The following GABRA3 variants were observed in gnomAD, a reference collection of about 807,000 sequenced individuals.
The protein encoded by GABRA3 is gamma-aminobutyric acid type A receptor subunit alpha3, also known as gamma-aminobutyric acid receptor subunit alpha-3.
A neutral mutation model predicts 30.1 loss-of-function variants in GABRA3; 10 were observed. That is an observed-to-expected ratio of 0.33 (90% confidence interval 0.20 to 0.56). The LOEUF is 0.56. Ranked by LOEUF, GABRA3 falls within the 20% of genes least tolerant of loss-of-function variation. The probability of loss-of-function intolerance (pLI) is 0.89; values close to 1 mark genes in which losing one functional copy is unlikely to be tolerated. For synonymous variants in GABRA3, 151 were observed against 146.8 expected (o/e 1.03, Z -0.21); for missense variants, 233 against 392.0 (o/e 0.59, Z 3.42).
At chrX:152,437,964 A>G (rs1408896969) in intron 1 of GABRA3, among the ~76,000 whole-genome samples, 1 of 112,270 alleles carries the variant, frequency 8.9e-6, no homozygotes, top group East Asian at 2.8e-4. Flanking sequence ...AAACTGATAA[A>G]TTGACCTTCA....
intron 3 of GABRA3, among the ~76,000 whole-genome samples, chrX:152,324,037 G>A (rs776819778): frequency 1.5e-4 from 17 of 112,074 alleles, no homozygotes; most frequent in South Asian, 7.5e-4. Flanking sequence ...CCTTATTAAA[G>A]GAACTTAATA....
chrX:152,331,087 C>G (rs371842001), intron 3 of GABRA3, among the ~76,000 whole-genome samples: 1 of 108,655 alleles, frequency 9.2e-6, no homozygotes, highest in African/African-American at 3.3e-5. Context: ...GTGAAACACC[C>G]TGAAACCAGA....
At chrX:152,308,741 T>A (rs1347663004) in intron 3 of GABRA3, among the ~76,000 whole-genome samples, 2 of 112,016 alleles carry the variant, frequency 1.8e-5, no homozygotes, top group Admixed American at 9.4e-5. Context: ...AAAGCCTGAG[T>A]GTTTTCTTCC....
rs1830061362 is a variant in GABRA3 at position 152,372,728 on chromosome X, T to C, written c.-26-8132A>G. 2.7e-5 allele frequency among the ~76,000 whole-genome samples: 3 copies of C among 112,201 alleles called. No homozygotes were observed. In the South Asian group the frequency reaches 1.1e-3, roughly 42 times the overall value. ...CTACTTTCCTAAAACCTTTCCCCCA[T>C]GCCCTTTCAATCCTTCATTTTATGG... On this transcript the variant is annotated intron_variant, in intron 1 of 9. Coordinates refer to ENST00000370314, the MANE Select transcript of GABRA3 (RefSeq NM_000808.4).
intron 2 of GABRA3, among the ~76,000 whole-genome samples, chrX:152,356,374 T>G (rs1940548975): frequency 8.9e-6 from 1 of 111,884 alleles, no homozygotes; most frequent in Non-Finnish European, 1.9e-5. Flanking sequence ...TCATTAAAGT[T>G]GGATAAAATA....
At chrX:152,384,462 G>C (rs937624193) in intron 1 of GABRA3, among the ~76,000 whole-genome samples, 2 of 111,830 alleles carry the variant, frequency 1.8e-5, no homozygotes, top group East Asian at 5.6e-4. Context: ...AATAGATATA[G>C]GTTTATAAGA....
intron 3 of GABRA3, among the ~76,000 whole-genome samples, chrX:152,290,006 G>A (rs1939374852): frequency 2.7e-5 from 3 of 112,018 alleles, no homozygotes; most frequent in Admixed American, 9.5e-5. Flanking sequence ...ATAGTAGCAT[G>A]ATTTATAATC....
At chrX:152,199,170 T>G (rs781459299) in intron 7 of GABRA3, among the ~76,000 whole-genome samples, 19 of 109,843 alleles carry the variant, frequency 1.7e-4, no homozygotes, top group East Asian at 5.7e-4. Context: ...ATCGAGACCA[T>G]CCTGGCTAAC....
chrX:152,232,571 A>C (rs1411567325), intron 5 of GABRA3, among the ~76,000 whole-genome samples: 1 of 109,242 alleles, frequency 9.2e-6, no homozygotes, highest in Non-Finnish European at 1.9e-5. Flanking sequence ...AATTGCATCC[A>C]TGTTGGTGAA....
At chrX:152,257,670 T>G (rs1275343495) in intron 4 of GABRA3, among the ~76,000 whole-genome samples, 1 of 112,558 alleles carries the variant, frequency 8.9e-6, no homozygotes, top group Non-Finnish European at 1.9e-5. Flanking sequence ...GGCAGGACTG[T>G]GGCAGATGAG....
chrX:152,215,052 A>ATT (rs1206087367), intron 6 of GABRA3, among the ~76,000 whole-genome samples: 7 of 102,785 alleles, frequency 6.8e-5, no homozygotes, highest in African/African-American at 2.7e-4. Flanking sequence ...ATATATATAT[A>ATT]TATTTTTTTA....
chrX:152,280,061 A>G (rs772703989), intron 4 of GABRA3, among the ~76,000 whole-genome samples: 61 of 111,486 alleles, frequency 5.5e-4, no homozygotes, highest in Admixed American at 7.7e-4. Context: ...CTGCAAACAG[A>G]GACAATTTGA....
rs760260826 is a variant in GABRA3 at position 152,440,215 on chromosome X, G to A, written c.-27+10931C>T. ...CCATCAAAAAGTGGGCAAAGGATAT[G>A]AACAGGCACTTCTCAAAAGAACACA... On this transcript the variant is annotated intron_variant, in intron 1 of 9. Coordinates refer to ENST00000370314, the MANE Select transcript of GABRA3 (RefSeq NM_000808.4). Among the ~76,000 whole-genome samples, 6 of 112,460 alleles carry A rather than the reference G, an allele frequency of 5.3e-5. No individual in the cohort carries two copies. The Admixed American group carries it at 5.6e-4, about 11-fold the overall frequency.
intron 3 of GABRA3, among the ~76,000 whole-genome samples, chrX:152,302,091 A>C (rs1336272027): frequency 3.6e-5 from 4 of 111,809 alleles, no homozygotes. Flanking sequence ...AACAATTCAA[A>C]TATTCAAATA....
At chrX:152,199,234 CG>C (rs1937439257) in intron 7 of GABRA3, among the ~76,000 whole-genome samples, 1 of 106,012 alleles carries the variant, frequency 9.4e-6, no homozygotes, top group Admixed American at 1.0e-4. Flanking sequence ...GGTGTGGTGG[CG>C]GGCACCTGTA....
chrX:152,315,059 G>A (rs776853630), intron 3 of GABRA3, among the ~76,000 whole-genome samples: 1 of 111,512 alleles, frequency 9.0e-6, no homozygotes, highest in African/African-American at 3.3e-5. Flanking sequence ...CTCGCACCAT[G>A]AACTTCTGGT....
chrX:152,308,287 C>T (rs2072853785), intron 3 of GABRA3, among the ~76,000 whole-genome samples: 1 of 112,922 alleles, frequency 8.9e-6, no homozygotes, highest in South Asian at 3.6e-4. Context: ...CACTGCTTTG[C>T]TGGCATGCAT....
At chrX:152,322,980 G>C (rs1371923609) in intron 3 of GABRA3, among the ~76,000 whole-genome samples, 1 of 105,062 alleles carries the variant, frequency 9.5e-6, no homozygotes, top group Non-Finnish European at 1.9e-5. Flanking sequence ...AGCCTCCTGA[G>C]TAGCTGGGAC....
intron 6 of GABRA3, among the ~76,000 whole-genome samples, chrX:152,208,352 C>T (rs1252724914): frequency 1.8e-5 from 2 of 112,229 alleles, no homozygotes; most frequent in Admixed American, 9.4e-5. Flanking sequence ...GTAGTATATG[C>T]TGTGTACATA....
Sources: gnomAD v4.1 joint callset for allele counts (sites outside exome capture counted in the v4.1 genomes callset) on GRCh38, gnomAD v4.1.1 for gene constraint, MANE v1.5 for transcripts, NCBI Gene and HGNC (gene_info 2026-07-23, HGNC 2026-07-21) for gene names.